The following THSD7B variants were observed in gnomAD, a reference collection of about 807,000 sequenced individuals.
THSD7B encodes thrombospondin type 1 domain containing 7B.
A neutral mutation model predicts 213.6 loss-of-function variants in THSD7B; 138 were observed. The ratio of observed to expected loss-of-function variants is 0.65; its 90% CI spans 0.56 to 0.74. The LOEUF is 0.74. THSD7B is among the 30% of genes least tolerant of loss of function. THSD7B has a pLI of 0.00. For missense variants in THSD7B, 1,931 were observed against 1,991.5 expected (o/e 0.97, Z 0.58); for synonymous variants, 742 against 687.0 (o/e 1.08, Z -1.25).
chr2:136,896,899 A>G (rs967855510), intron 2 of THSD7B, among the ~76,000 whole-genome samples: 5 of 151,942 alleles, frequency 3.3e-5, no homozygotes, highest in African/African-American at 4.8e-5. Flanking sequence ...CCATTGATCT[A>G]TAGTCTATAC....
At chr2:137,264,118 G>T (rs1040208391) in intron 10 of THSD7B, among the ~76,000 whole-genome samples, 1 of 152,122 alleles carries the variant, frequency 6.6e-6, no homozygotes, top group African/African-American at 2.4e-5. Flanking sequence ...ATTTATTAAT[G>T]ATGACAACAC....
chr2:136,937,985 T>C (rs1201605131), intron 2 of THSD7B, among the ~76,000 whole-genome samples: 2 of 152,178 alleles, frequency 1.3e-5, no homozygotes, highest in Non-Finnish European at 2.9e-5. Context: ...AATCCTATTT[T>C]TGTACAGGTT....
rs770089275 is a variant in THSD7B at position 137,002,376 on chromosome 2, T to C, written c.140-54044T>C. Among the ~76,000 whole-genome samples, 6 of 152,134 alleles carry C rather than the reference T, an allele frequency of 3.9e-5. No individual in the cohort carries two copies. The South Asian group carries it at 8.3e-4, about 21-fold the overall frequency. On this transcript the variant is annotated intron_variant, in intron 2 of 27. Transcript: ENST00000409968. ...CTGGGTCACATGAGCTGCCCAAGAT[T>C]ATGAGATCCTTCAGGAGCAGAATAG...
At chr2:137,213,704 C>G (rs940133691) in intron 7 of THSD7B, among the ~76,000 whole-genome samples, 14 of 151,930 alleles carry the variant, frequency 9.2e-5, no homozygotes, top group African/African-American at 3.4e-4. Context: ...ATCAATAAAC[C>G]TGTTTTCAAA....
intron 2 of THSD7B, among the ~76,000 whole-genome samples, chr2:136,999,381 C>T (rs558779557): frequency 6.6e-6 from 1 of 151,276 alleles, no homozygotes; most frequent in South Asian, 2.1e-4. Context: ...TGTGATGAAC[C>T]TGTGTGTTGA....
intron 1 of THSD7B, among the ~76,000 whole-genome samples, chr2:136,871,173 T>C (rs1466301602): frequency 3.3e-5 from 5 of 152,204 alleles, no homozygotes; most frequent in Non-Finnish European, 7.3e-5. Flanking sequence ...GCTCCATTTA[T>C]TTTGTATGTT....
intron 3 of THSD7B, among the ~76,000 whole-genome samples, chr2:137,065,221 G>C (rs935919345): frequency 6.6e-6 from 1 of 151,784 alleles, no homozygotes; most frequent in Non-Finnish European, 1.5e-5. Flanking sequence ...TCATTGTAGA[G>C]ATCTTTCACT....
At chr2:137,659,619 A>G in intron 24 of THSD7B, 45 bp from the exon 25 acceptor site, 1 of 1,520,030 alleles carries the variant, frequency 6.6e-7, no homozygotes, top group South Asian at 1.2e-5. Context: ...AATTAGAAAT[A>G]TCTAATAGAG....
At chr2:137,086,662 C>T (rs1192902098) in intron 3 of THSD7B, among the ~76,000 whole-genome samples, 1 of 152,176 alleles carries the variant, frequency 6.6e-6, no homozygotes, top group East Asian at 1.9e-4. Flanking sequence ...CCATTGTTCA[C>T]TCTACGACAA....
At chr2:137,410,331 C>T (rs373518206) in intron 13 of THSD7B, among the ~76,000 whole-genome samples, 6 of 151,756 alleles carry the variant, frequency 4.0e-5, no homozygotes, top group South Asian at 4.2e-4. Context: ...TGCAGTGATG[C>T]GATCTTAGCT....
At chr2:137,211,309 A>ATTAC (rs10652398) in intron 7 of THSD7B, among the ~76,000 whole-genome samples, 85,846 of 124,152 alleles carry the variant, frequency 0.69, 26,061 homozygotes, top group South Asian at 0.78. Flanking sequence ...TTGCTTGTCT[A>ATTAC]TTCAACAGAC....
chr2:137,080,378 T>TG (rs1184287908), intron 3 of THSD7B, among the ~76,000 whole-genome samples: 3 of 143,042 alleles, frequency 2.1e-5, no homozygotes, highest in Non-Finnish European at 4.6e-5. Flanking sequence ...TTTTTTTTTT[T>TG]TTTTTTTTTT....
intron 3 of THSD7B, among the ~76,000 whole-genome samples, chr2:137,068,479 G>A (rs1034751000): frequency 3.9e-5 from 6 of 151,998 alleles, no homozygotes; most frequent in African/African-American, 9.7e-5. Flanking sequence ...TGACAGTTAC[G>A]TGATCCCATA....
chr2:137,020,818 C>T (rs1056354711), intron 2 of THSD7B, among the ~76,000 whole-genome samples: 1 of 152,146 alleles, frequency 6.6e-6, no homozygotes, highest in African/African-American at 2.4e-5. Context: ...CACCACTGCT[C>T]ATTATCATAC....
intron 16 of THSD7B, among the ~76,000 whole-genome samples, chr2:137,566,812 T>C (rs1326229011): frequency 6.6e-6 from 1 of 152,142 alleles, no homozygotes; most frequent in East Asian, 1.9e-4. Context: ...TTATATTCAA[T>C]AAAATGTCTT....
chr2:137,393,226 T>C (rs1198447546), intron 12 of THSD7B, among the ~76,000 whole-genome samples: 5 of 151,412 alleles, frequency 3.3e-5, no homozygotes, highest in East Asian at 1.9e-4. Flanking sequence ...TAGTTACATA[T>C]GTATACATGT....
chr2:137,636,038 T>A (rs1287540936), intron 20 of THSD7B, among the ~76,000 whole-genome samples: 1 of 152,300 alleles, frequency 6.6e-6, no homozygotes, highest in East Asian at 1.9e-4. Context: ...TTTTTATTTG[T>A]ATAACCTTTG....
Position 137,570,773 on chromosome 2 carries a change from G to T in THSD7B, c.3273-1633G>T, listed in dbSNP as rs529339584. On this transcript the variant is annotated intron_variant, in intron 16 of 27. Coordinates refer to ENST00000409968, the MANE Select transcript of THSD7B (RefSeq NM_001316349.2). The stretch of plus-strand genomic sequence containing the variant: ...ATCACTAGAACAAAATACTTATAGT[G>T]CTAGGGATCATGTCTGTCTCTATTT... Among the ~76,000 whole-genome samples the T allele has an allele frequency of 3.3e-5, 5 of 152,090 alleles. No individual in the cohort carries two copies. The South Asian group carries it at 8.3e-4, about 25-fold the overall frequency.
At chr2:136,872,299 G>A (rs1007834281) in intron 1 of THSD7B, among the ~76,000 whole-genome samples, 1 of 149,016 alleles carries the variant, frequency 6.7e-6, no homozygotes, top group East Asian at 2.0e-4. Flanking sequence ...TATCCCCATG[G>A]CTTCAAGCAG....
Sources: gnomAD v4.1 joint callset for allele counts (sites outside exome capture counted in the v4.1 genomes callset) on GRCh38, gnomAD v4.1.1 for gene constraint, MANE v1.5 for transcripts, NCBI Gene and HGNC (gene_info 2026-07-23, HGNC 2026-07-21) for gene names.